Variants in ALPK3 observed in about 807,000 individuals in gnomAD.
The protein encoded by ALPK3 is alpha-protein kinase 3.
ALPK3 carries 102 observed loss-of-function variants against 140.0 expected under a neutral mutation model. The observed-to-expected ratio is 0.73, with a 90% confidence interval of 0.62 to 0.86. The LOEUF (loss-of-function observed/expected upper bound fraction) is 0.86. ALPK3 is among the 40% of genes least tolerant of loss of function. The pLI is 0.00. For missense variants in ALPK3, 2,254 were observed against 2,208.2 expected (o/e 1.02, Z -0.42); for synonymous variants, 938 against 898.5 (o/e 1.04, Z -0.79).
In ALPK3 at chr15:84,872,960, C is replaced by CATTACTAGGCCAT. The variant is rs1238397603; in HGVS notation, c.*4507_*4519dup. ...TGGCCCAGAAGTCTTTAGTTAAGGT[C>CATTACTAGGCCAT]ATTACTAGGCCATATCTTAGGGGCG... On this transcript the variant is annotated 3_prime_UTR_variant, in exon 14 of 14. Transcript: ENST00000258888. The CATTACTAGGCCAT allele has an allele frequency of 1.4e-4, 21 of 152,318 alleles. No homozygotes were observed. Among genetic ancestry groups the CATTACTAGGCCAT allele is most frequent in the African/African-American group, 4.6e-4 (19 of 41,556 alleles). 9.4% of individuals were successfully genotyped at this position (152,318 alleles called of 1,614,324 possible).
chr15:84,828,135 A>C (rs1963509551), intron 3 of ALPK3, among the ~76,000 whole-genome samples: 1 of 152,188 alleles, frequency 6.6e-6, no homozygotes, highest in Admixed American at 6.5e-5. Context: ...TAAAGTGGGG[A>C]TAATGATAGG....
At chr15:84,820,608 G>A (rs1175928873) in intron 1 of ALPK3, among the ~76,000 whole-genome samples, 3 of 151,876 alleles carry the variant, frequency 2.0e-5, no homozygotes, top group Admixed American at 6.6e-5. Flanking sequence ...AACCTCCCGA[G>A]TAGTCTGAGA....
intron 5 of ALPK3, among the ~76,000 whole-genome samples, chr15:84,847,332 A>G (rs1265717160): frequency 6.6e-5 from 10 of 152,124 alleles, no homozygotes; most frequent in Admixed American, 6.6e-4. Context: ...CTGGATAATC[A>G]GAAGGAGAAA....
At position 84,859,365 on chromosome 15, in the gene ALPK3, C is replaced by T. The variant is rs147819987; in HGVS notation, c.3940C>T (p.Arg1314Cys). 78 of 1,614,008 alleles carry T rather than the reference C, an allele frequency of 4.8e-5. No homozygotes were observed. The highest frequency in any genetic ancestry group is 5.4e-5 in the Non-Finnish European group (64 of 1,179,998). ...DSVLTWAKDQ[R>C]PVGEVGRSAG... Reference sequence around the variant, plus strand: ...AGTCTTGACATGGGCCAAGGATCAGCGCCCAGTGGGCGAGGTGGGCAGGAG... The same window carrying T: ...AGTCTTGACATGGGCCAAGGATCAGTGCCCAGTGGGCGAGGTGGGCAGGAG... The change falls in exon 7 of 14, where the codon CGC (arginine) becomes TGC (cysteine). Residue 1314 changes from arginine to cysteine, a missense_variant. Physicochemically the swap from Arg to Cys is radical, Grantham distance 180. Around this residue, in one of 3 missense-constraint regions of ALPK3, gnomAD observed 2,088 missense variants for 2,022.9 expected, o/e 1.03. Coordinates refer to ENST00000258888, the MANE Select transcript of ALPK3 (RefSeq NM_020778.5).
rs1022487482 is a variant in ALPK3 at position 84,868,639 on chromosome 15, A to T, written c.*183A>T. On this transcript the variant is annotated 3_prime_UTR_variant, in exon 14 of 14. Coordinates refer to ENST00000258888, the MANE Select transcript of ALPK3 (RefSeq NM_020778.5). Reference sequence around the variant, plus strand: ...TCATCAGATGGCTTTGGTGCATGGCACATAGCCCACTGGCCTCTTCTGGTG... The same window carrying T: ...TCATCAGATGGCTTTGGTGCATGGCTCATAGCCCACTGGCCTCTTCTGGTG... 2 of 653,076 alleles carry T rather than the reference A, an allele frequency of 3.1e-6. No individual in the cohort carries two copies. The highest frequency in any genetic ancestry group is 3.7e-5 in the African/African-American group (2 of 54,778). The allele number at this position is 653,076 out of a possible 1,614,324, so 40.5% of individuals were successfully genotyped here. A position where few individuals can be genotyped will look rare whatever the true frequency, so the allele number is the denominator to read the frequency against.
In ALPK3 at chr15:84,840,599, G is replaced by A. The variant is rs1033371309; in HGVS notation, c.1320G>A (p.Arg440=). ...GEEGPQTLSV[R]APGESPKGKA... ...AGGGACCCCAGACCCTGAGTGTCCG[G>A]GCGCCTGGGGAGAGTCCCAAGGGGA... Residue 440 remains arginine (R), a synonymous_variant, in exon 5 of 14, where the codon CGG becomes CGA. Coordinates refer to ENST00000258888, the MANE Select transcript of ALPK3 (RefSeq NM_020778.5). 6.4e-7 allele frequency: 1 copy of A among 1,562,090 alleles called. No individual in the cohort carries two copies. The highest frequency in any genetic ancestry group is 2.2e-5 in the East Asian group (1 of 44,592).
At chr15:84,826,563 T>G (rs533902854) in intron 2 of ALPK3, among the ~76,000 whole-genome samples, 1 of 152,070 alleles carries the variant, frequency 6.6e-6, no homozygotes, top group African/African-American at 2.4e-5. Flanking sequence ...CTTGAAAGGG[T>G]TTGGCATGGT....
intron 3 of ALPK3, among the ~76,000 whole-genome samples, chr15:84,828,767 T>A (rs1026860508): frequency 1.1e-4 from 16 of 152,310 alleles, no homozygotes; most frequent in African/African-American, 3.9e-4. Context: ...ATGAAGTAAG[T>A]GCTATTTTTA....
At chr15:84,827,374 G>A (rs767617084) in intron 2 of ALPK3, 110 bp from the exon 3 acceptor site, 660 of 1,498,588 alleles carry the variant, frequency 4.4e-4, no homozygotes, top group Non-Finnish European at 5.6e-4. Flanking sequence ...TGCAGCTCTG[G>A]CCACAGGAAG....
intron 2 of ALPK3, among the ~76,000 whole-genome samples, chr15:84,826,934 T>C (rs904118022): frequency 1.3e-5 from 2 of 152,150 alleles, no homozygotes; most frequent in African/African-American, 4.8e-5. Flanking sequence ...GGCCAGCTTA[T>C]TCTTTGTCCA....
At chr15:84,837,552 C>T (rs563439799) in intron 3 of ALPK3, among the ~76,000 whole-genome samples, 24 of 152,326 alleles carry the variant, frequency 1.6e-4, no homozygotes, top group African/African-American at 5.8e-4. Flanking sequence ...GTCCTCATAA[C>T]CCTAACTTGC....
intron 4 of ALPK3, 37 bp downstream of exon 4, chr15:84,839,134 C>T: frequency 6.5e-7 from 1 of 1,541,634 alleles, no homozygotes; most frequent in Non-Finnish European, 8.9e-7. Context: ...TCTCTGCCCT[C>T]CCGAGGGCCC....
At chr15:84,827,219 A>G (rs1280646159) in intron 2 of ALPK3, among the ~76,000 whole-genome samples, 1 of 152,200 alleles carries the variant, frequency 6.6e-6, no homozygotes, top group Non-Finnish European at 1.5e-5. Flanking sequence ...GGGCTTGTAG[A>G]CTGGCATGCT....
chr15:84,848,284 G>A (rs1963759648), intron 5 of ALPK3, among the ~76,000 whole-genome samples: 1 of 151,498 alleles, frequency 6.6e-6, no homozygotes, highest in Non-Finnish European at 1.5e-5. Context: ...TTTTTTTAAT[G>A]TATGCAAATA....
chr15:84,821,243 A>T (rs1270941277), intron 1 of ALPK3, among the ~76,000 whole-genome samples: 2 of 152,040 alleles, frequency 1.3e-5, no homozygotes, highest in East Asian at 3.9e-4. Flanking sequence ...GTTTCTCCTG[A>T]CCTGACTAAC....
chr15:84,832,783 G>T (rs1338978002), intron 3 of ALPK3, among the ~76,000 whole-genome samples: 3 of 152,214 alleles, frequency 2.0e-5, no homozygotes, highest in Non-Finnish European at 4.4e-5. Context: ...CATATTGCCT[G>T]TTCATTTCAG....
chr15:84,832,058 AC>A (rs1227949522), intron 3 of ALPK3, among the ~76,000 whole-genome samples: 1 of 152,154 alleles, frequency 6.6e-6, no homozygotes, highest in East Asian at 1.9e-4. Flanking sequence ...CAAATAATAA[AC>A]TTCATCTTTG....
intron 3 of ALPK3, among the ~76,000 whole-genome samples, chr15:84,833,282 T>G (rs1443472506): frequency 1.3e-5 from 2 of 152,160 alleles, no homozygotes; most frequent in Non-Finnish European, 2.9e-5. Context: ...CTCACATACA[T>G]TCAGAATCTC....
chr15:84,862,776 C>T lies in ALPK3; in HGVS notation c.4271C>T (p.Ser1424Phe). 2 of 1,614,128 alleles carry T rather than the reference C, an allele frequency of 1.2e-6. No individual in the cohort carries two copies. Among genetic ancestry groups the T allele is most frequent in the South Asian group, 1.1e-5 (1 of 91,078 alleles). ...TATGGGTGTGGCCTTCGGAAGGCCT[C>T]CCAGGCCAAGGTCATCTACGGGCTG... ...GGYGCGLRKA[S>F]QAKVIYGLEP... Residue 1424 changes from serine to phenylalanine, a missense_variant, in exon 10 of 14, where the codon TCC becomes TTC. Physicochemically the swap from Ser to Phe is radical, Grantham distance 155. This residue lies in a region of ALPK3 where 2,088 missense variants were observed against 2,022.9 expected (regional missense o/e 1.03). Transcript: ENST00000258888.
Sources: gnomAD v4.1 joint callset for allele counts (sites outside exome capture counted in the v4.1 genomes callset) on GRCh38, gnomAD v4.1.1 for gene constraint, gnomAD v4.1.1 regional missense constraint, MANE v1.5 for transcripts, NCBI Gene and HGNC (gene_info 2026-07-23, HGNC 2026-07-21) for gene names.